SMG1: variants seen among roughly 807,000 people sequenced by gnomAD.
The protein encoded by SMG1 is SMG1 nonsense mediated mRNA decay associated PI3K related kinase.
In SMG1, 22 loss-of-function variants were observed where a neutral mutation model predicts 419.9. The ratio of observed to expected loss-of-function variants is 0.05; its 90% CI spans 0.04 to 0.07. The LOEUF (loss-of-function observed/expected upper bound fraction) is 0.07, where lower values mean the gene tolerates loss of function less well. SMG1 is among the 10% of genes least tolerant of loss of function. The pLI is 1.00. For synonymous variants in SMG1, 1,538 were observed against 1,553.5 expected, an observed-to-expected ratio of 0.99 and a Z score of 0.23; for missense variants, 3,185 against 4,342.0, an observed-to-expected ratio of 0.73 and a Z score of 7.49.
chr16:18,888,164 C>CAA (rs991748168), intron 6 of SMG1, among the ~76,000 whole-genome samples: 4,084 of 40,958 alleles, frequency 0.1, 410 homozygotes, highest in Middle Eastern at 0.18. Context: ...GACTCTGCAT[C>CAA]AAAAAAAAAA....
rs1450881046 is a variant in SMG1 at position 18,809,638 on chromosome 16, A to G, written c.10917T>C (p.Tyr3639=). Residue 3639 remains tyrosine, a synonymous_variant, in exon 63 of 63, where the codon TAT becomes TAC. Coordinates refer to ENST00000446231, the MANE Select transcript of SMG1 (RefSeq NM_015092.5). ...RRMSVAEQVD[Y]VIKEATNLDN... ...CTAGATTAGTTGCTTCCTTAATGACATAGTCAACCTGTAAAAATAGGCAGG... is the reference window on the plus strand; with the variant it reads ...CTAGATTAGTTGCTTCCTTAATGACGTAGTCAACCTGTAAAAATAGGCAGG... 12 of 1,603,304 alleles carry G rather than the reference A, an allele frequency of 7.5e-6. No homozygotes were observed. The highest frequency in any genetic ancestry group is 7.7e-6 in the Non-Finnish European group (9 of 1,174,144).
intron 3 of SMG1, among the ~76,000 whole-genome samples, chr16:18,895,044 C>T (rs547287295): frequency 0.095 from 14,409 of 151,962 alleles, 730 homozygotes; most frequent in Middle Eastern, 0.17. Context: ...GTCTCGATCT[C>T]CTGACCTCGT....
intron 1 of SMG1, among the ~76,000 whole-genome samples, chr16:18,908,476 CAAAAAAAAAAAAAA>C (rs59890240): frequency 2.4e-5 from 2 of 83,708 alleles, no homozygotes; most frequent in Non-Finnish European, 4.7e-5. Flanking sequence ...GACTCCGTCT[CAAAAAAAAAAAAAA>C]AAAAAAAAAG....
At chr16:18,887,288 C>T (rs939720913) in intron 6 of SMG1, among the ~76,000 whole-genome samples, 7 of 152,128 alleles carry the variant, frequency 4.6e-5, no homozygotes, top group Non-Finnish European at 8.8e-5. Flanking sequence ...TGTTTAGTTA[C>T]AGGTAATTTT....
intron 13 of SMG1, among the ~76,000 whole-genome samples, chr16:18,874,691 C>G (rs1274175388): frequency 6.8e-6 from 1 of 148,122 alleles, no homozygotes; most frequent in African/African-American, 2.5e-5. Flanking sequence ...CATGGTGAAA[C>G]CAAGTCTCTA....
At chr16:18,831,109 T>C (rs2033144784) in intron 51 of SMG1, among the ~76,000 whole-genome samples, 2 of 152,202 alleles carry the variant, frequency 1.3e-5, no homozygotes, top group South Asian at 2.1e-4. Flanking sequence ...ATGCACATTT[T>C]GAATGTAAGG....
intron 1 of SMG1, among the ~76,000 whole-genome samples, chr16:18,897,892 A>G (rs2037197141): frequency 6.6e-6 from 1 of 151,780 alleles, no homozygotes; most frequent in Admixed American, 6.6e-5. Flanking sequence ...GAGAGGAACA[A>G]CTTTGAGAAA....
rs1225335000 is a variant in SMG1, at chr16:18,849,281, T to C, written c.5559A>G (p.Pro1853=). 11 of 1,613,670 alleles carry C rather than the reference T, an allele frequency of 6.8e-6. No individual in the cohort carries two copies. The highest frequency in any genetic ancestry group is 9.3e-6 in the Non-Finnish European group (11 of 1,179,738). Residue 1853 remains proline, a synonymous_variant, in exon 36 of 63, where the codon CCA becomes CCG. Transcript: ENST00000446231. ...CTATTGCAGGATACAATATGAGATG[T>C]GGGGAATCTTGAGCCACACGGCAGA... ...NLLCRVAQDS[P]HLILYPAIVG...
At chr16:18,900,152 G>T in intron 1 of SMG1, 1 of 627,884 alleles carries the variant, frequency 1.6e-6, no homozygotes, top group South Asian at 2.0e-5. Context: ...GTTGAACTAT[G>T]GTCCCATTAG....
chr16:18,838,883 G>C (rs2033743744), intron 42 of SMG1, among the ~76,000 whole-genome samples, 194 bp from the exon 43 acceptor site: 2 of 152,094 alleles, frequency 1.3e-5, no homozygotes, highest in Non-Finnish European at 2.9e-5. Context: ...GACCTGATTG[G>C]TCCTAGTTAA....
chr16:18,837,895 A>G (rs1163003476), intron 45 of SMG1, 119 bp downstream of exon 45: 18 of 980,580 alleles, frequency 1.8e-5, no homozygotes, highest in South Asian at 1.7e-4. Flanking sequence ...TGCCATTTCA[A>G]TATTATACAT....
intron 1 of SMG1, among the ~76,000 whole-genome samples, chr16:18,897,841 C>G (rs140045319): frequency 6.6e-6 from 1 of 150,542 alleles, no homozygotes; most frequent in South Asian, 2.1e-4. Flanking sequence ...TTATAGCATA[C>G]GAAAAATCCA....
intron 1 of SMG1, among the ~76,000 whole-genome samples, chr16:18,908,302 T>C (rs1239087876): frequency 1.4e-5 from 2 of 147,416 alleles, no homozygotes; most frequent in African/African-American, 5.0e-5. Context: ...GAGGCGGAGG[T>C]TGCAGTGAGC....
chr16:18,813,448 G>T (rs2031672815), intron 60 of SMG1, among the ~76,000 whole-genome samples: 2 of 152,232 alleles, frequency 1.3e-5, no homozygotes, highest in East Asian at 1.9e-4. Context: ...TCATGTGTCT[G>T]TTGGCTGCAT....
chr16:18,851,010 T>C (rs961545392), intron 33 of SMG1, among the ~76,000 whole-genome samples: 6 of 152,122 alleles, frequency 3.9e-5, no homozygotes, highest in Non-Finnish European at 5.9e-5. Flanking sequence ...CTGCCTCGGC[T>C]TCTCAAAGTG....
chr16:18,872,883 G>A (rs967936778), intron 13 of SMG1, among the ~76,000 whole-genome samples: 2 of 152,158 alleles, frequency 1.3e-5, no homozygotes, highest in African/African-American at 4.8e-5. Flanking sequence ...GTCAGGTGTT[G>A]TGGCTCACAC....
intron 1 of SMG1, among the ~76,000 whole-genome samples, chr16:18,917,619 C>A (rs2038028390): frequency 6.6e-6 from 1 of 151,742 alleles, no homozygotes. Context: ...CTCTTGTTGC[C>A]CAAGCTGGAG....
chr16:18,916,141 CAAA>C (rs1422752093), intron 1 of SMG1, among the ~76,000 whole-genome samples: 1 of 138,968 alleles, frequency 7.2e-6, no homozygotes, highest in Non-Finnish European at 1.5e-5. Context: ...AATTTTATCT[CAAA>C]GAAGCACCAC....
Position 18,847,531 on chromosome 16 carries a change from T to C in SMG1, c.5918A>G (p.Gln1973Arg). The change falls in exon 38 of 63, where the codon CAA becomes CGA. Residue 1973 changes from glutamine to arginine, a missense_variant. This residue lies in a region of SMG1 where 130 missense variants were observed against 162.0 expected (regional missense o/e 0.80). Coordinates refer to ENST00000446231, the MANE Select transcript of SMG1 (RefSeq NM_015092.5). The stretch of plus-strand genomic sequence containing the variant: ...AATTCGTCTCAGGACATACATGTGT[T>C]GTTGCAGCAAAACTCCCAGCCAGAG... ...DELWLGVLLQ[Q>R]HMYVLRRIQQ... is the part of the protein sequence containing the mutation. 1 of 1,614,042 alleles carries C rather than the reference T, an allele frequency of 6.2e-7. No homozygotes were observed. Among genetic ancestry groups the C allele is most frequent in the Non-Finnish European group, 8.5e-7 (1 of 1,179,898 alleles).
Sources: gnomAD v4.1 joint callset for allele counts (sites outside exome capture counted in the v4.1 genomes callset) on GRCh38, gnomAD v4.1.1 for gene constraint, gnomAD v4.1.1 regional missense constraint, MANE v1.5 for transcripts, NCBI Gene and HGNC (gene_info 2026-07-23, HGNC 2026-07-21) for gene names.